The following EMP2 variants were observed in gnomAD, a reference collection of about 807,000 sequenced individuals.
EMP2 encodes epithelial membrane protein 2.
In EMP2, 19 loss-of-function variants were observed where a neutral mutation model predicts 13.7. The observed-to-expected ratio is 1.38, with a 90% confidence interval of 0.97 to 2.03. EMP2 has a LOEUF of 2.03. EMP2 is among the 30% of genes most tolerant of loss of function. The probability of loss-of-function intolerance (pLI) is 0.00; values close to 1 mark genes in which losing one functional copy is unlikely to be tolerated. For synonymous variants in EMP2, 97 were observed against 84.7 expected, an observed-to-expected ratio of 1.15 and a Z score of -0.80; for missense variants, 253 against 220.7, an observed-to-expected ratio of 1.15 and a Z score of -0.93.
At chr16:10,557,401 C>T (rs1163839976) in intron 1 of EMP2, among the ~76,000 whole-genome samples, 1 of 151,292 alleles carries the variant, frequency 6.6e-6, no homozygotes. Context: ...AAACCCCATG[C>T]TTTAGGCTGC....
At chr16:10,557,895 G>C (rs2050842785) in intron 1 of EMP2, among the ~76,000 whole-genome samples, 1 of 152,136 alleles carries the variant, frequency 6.6e-6, no homozygotes. Flanking sequence ...AAACCTCCGG[G>C]CATCAGAACT....
At chr16:10,541,081 C>G (rs2050693812) in intron 3 of EMP2, among the ~76,000 whole-genome samples, 1 of 149,986 alleles carries the variant, frequency 6.7e-6, no homozygotes, top group African/African-American at 2.5e-5. Context: ...AAGCGAGACC[C>G]TGATTCAAAC....
At chr16:10,551,718 C>A (rs1161981836) in intron 1 of EMP2, among the ~76,000 whole-genome samples, 2 of 152,128 alleles carry the variant, frequency 1.3e-5, no homozygotes, top group Admixed American at 6.6e-5. Flanking sequence ...AAAATAGGAT[C>A]ATTTTAAAAG....
At chr16:10,535,882 A>T (rs2050643288) in intron 4 of EMP2, among the ~76,000 whole-genome samples, 1 of 152,174 alleles carries the variant, frequency 6.6e-6, no homozygotes, top group Admixed American at 6.5e-5. Context: ...TTTAGGCCTC[A>T]TTTGTTCTGG....
chr16:10,543,464 C>T (rs770725961), intron 3 of EMP2, 106 bp downstream of exon 3: 30 of 1,265,904 alleles, frequency 2.4e-5, no homozygotes, highest in Non-Finnish European at 3.2e-5. Context: ...CCGGAGTATG[C>T]AGTGAGTGGA....
intron 1 of EMP2, chr16:10,559,194 C>A (rs1281555261): frequency 6.6e-6 from 1 of 152,576 alleles, no homozygotes; most frequent in Non-Finnish European, 1.5e-5. Flanking sequence ...CTGGCCAGAA[C>A]CCAGGCCCCT....
At chr16:10,540,463 G>A (rs962452620) in intron 3 of EMP2, among the ~76,000 whole-genome samples, 33 of 151,764 alleles carry the variant, frequency 2.2e-4, no homozygotes, top group African/African-American at 6.8e-4. Context: ...CAGAGATTGC[G>A]CCACTGCACT....
chr16:10,535,817 A>G (rs1053248161), intron 4 of EMP2, among the ~76,000 whole-genome samples: 5 of 152,078 alleles, frequency 3.3e-5, no homozygotes, highest in African/African-American at 1.2e-4. Flanking sequence ...AAGGAGGGGG[A>G]TCAGACACCT....
At chr16:10,555,430 T>C (rs773284612) in intron 1 of EMP2, among the ~76,000 whole-genome samples, 3 of 152,240 alleles carry the variant, frequency 2.0e-5, no homozygotes, top group Non-Finnish European at 2.9e-5. Flanking sequence ...AGTTTCTGTA[T>C]AGAAATCAAA....
chr16:10,570,629 T>C (rs6498088), intron 1 of EMP2, among the ~76,000 whole-genome samples: 114,384 of 152,056 alleles, frequency 0.75, 43,951 homozygotes, highest in African/African-American at 0.91. Flanking sequence ...AACTCCTAAC[T>C]TCAAGTGATC....
intron 4 of EMP2, among the ~76,000 whole-genome samples, chr16:10,533,746 T>G (rs2142166389): frequency 6.6e-6 from 1 of 152,310 alleles, no homozygotes; most frequent in Non-Finnish European, 1.5e-5. Context: ...GGCAATCTGG[T>G]TCCTGTTTAC....
rs150563792 is a variant in EMP2 at position 10,534,113 on chromosome 16, C to CA, written c.317-1022dup. ...CCGCACAACAGCAAAAACTTCCTCT[C>CA]AAAAAAAAAAAGAAAAATATGACTG... is the stretch of plus-strand genomic sequence containing the variant. On this transcript the variant is annotated intron_variant, in intron 4 of 4. Transcript: ENST00000359543. Among the ~76,000 whole-genome samples the CA allele has an allele frequency of 9.1e-3, 1,280 of 140,976 alleles. 9 individuals carry two copies. The highest frequency in any genetic ancestry group is 0.012 in the Non-Finnish European group (781 of 64,282). The allele number at this position is 140,976 out of a possible 152,430, so 92.5% of individuals were successfully genotyped here. A position where few individuals can be genotyped will look rare whatever the true frequency, so the allele number is the denominator to read the frequency against.
chr16:10,534,119 A>T (rs923847581), intron 4 of EMP2, among the ~76,000 whole-genome samples: 1 of 152,156 alleles, frequency 6.6e-6, no homozygotes, highest in African/African-American at 2.4e-5. Flanking sequence ...CTCTCAAAAA[A>T]AAAAAGAAAA....
At chr16:10,569,770 T>G (rs2221433) in intron 1 of EMP2, among the ~76,000 whole-genome samples, 114,762 of 152,200 alleles carry the variant, frequency 0.75, 44,176 homozygotes, top group African/African-American at 0.91. Flanking sequence ...AATGCCTGCG[T>G]GCATGCAGAC....
chr16:10,553,097 T>C (rs994068814), intron 1 of EMP2, among the ~76,000 whole-genome samples: 3 of 152,226 alleles, frequency 2.0e-5, no homozygotes, highest in African/African-American at 7.2e-5. Flanking sequence ...GCTGGTGACT[T>C]CACCCGAGGC....
chr16:10,539,801 G>C (rs1287791253), intron 3 of EMP2, among the ~76,000 whole-genome samples: 1 of 152,138 alleles, frequency 6.6e-6, no homozygotes, highest in Admixed American at 6.5e-5. Flanking sequence ...GCGGGCACGA[G>C]GGCTTCGTAA....
intron 4 of EMP2, among the ~76,000 whole-genome samples, chr16:10,537,396 C>T (rs2050655393): frequency 6.6e-6 from 1 of 152,166 alleles, no homozygotes; most frequent in Admixed American, 6.5e-5. Context: ...ACCTCTGTCA[C>T]CCACCAGCTT....
rs1201509967 is a variant in EMP2 at position 10,531,390 on chromosome 16, T to A, written c.*1515A>T. 1 of 152,606 alleles carries A rather than the reference T, an allele frequency of 6.6e-6. No individual in the cohort carries two copies. Among genetic ancestry groups the A allele is most frequent in the African/African-American group, 2.4e-5 (1 of 41,316 alleles). 9.5% of individuals were successfully genotyped at this position (152,606 alleles called of 1,614,324 possible). On this transcript the variant is annotated 3_prime_UTR_variant, in exon 5 of 5. Coordinates refer to ENST00000359543, the MANE Select transcript of EMP2 (RefSeq NM_001424.6). ...CTCTGTCACCCAGGCTGGAGTGCAG[T>A]GGCACGGTCTCGGCTCACTGCAACC...
At chr16:10,545,377 T>A (rs2050731731) in intron 2 of EMP2, 1 of 152,290 alleles carries the variant, frequency 6.6e-6, no homozygotes, top group Non-Finnish European at 1.5e-5. Context: ...GTCTGTAGCC[T>A]GTTAGGAACC....
Sources: gnomAD v4.1 joint callset for allele counts (sites outside exome capture counted in the v4.1 genomes callset) on GRCh38, gnomAD v4.1.1 for gene constraint, MANE v1.5 for transcripts, NCBI Gene and HGNC (gene_info 2026-07-23, HGNC 2026-07-21) for gene names.